Variants in KDM4C observed in about 807,000 individuals in gnomAD.
The protein encoded by KDM4C is lysine demethylase 4C.
In KDM4C, 81 loss-of-function variants were observed where a neutral mutation model predicts 129.3. The ratio of observed to expected loss-of-function variants is 0.63; its 90% CI spans 0.52 to 0.75. KDM4C has a LOEUF of 0.75. KDM4C is among the 30% of genes least tolerant of loss of function. KDM4C has a pLI of 0.00. For missense variants in KDM4C, 1,457 were observed against 1,304.0 expected, an observed-to-expected ratio of 1.12 and a Z score of -1.81; for synonymous variants, 573 against 456.1, an observed-to-expected ratio of 1.26 and a Z score of -3.26.
At chr9:6,807,984 G>A (rs1830415505) in intron 3 of KDM4C, among the ~76,000 whole-genome samples, 2 of 126,754 alleles carry the variant, frequency 1.6e-5, no homozygotes, top group African/African-American at 6.7e-5. Context: ...CGTCCGGGAG[G>A]GAGGTGGGGG....
intron 1 of KDM4C, among the ~76,000 whole-genome samples, chr9:6,779,582 A>C (rs976316671): frequency 6.6e-6 from 1 of 152,182 alleles, no homozygotes; most frequent in Admixed American, 6.6e-5. Flanking sequence ...TTGTAGTAGC[A>C]GTGGCAGTTC....
At chr9:6,738,223 T>C (rs1284195180) in intron 1 of KDM4C, among the ~76,000 whole-genome samples, 2 of 151,960 alleles carry the variant, frequency 1.3e-5, no homozygotes, top group Non-Finnish European at 2.9e-5. Flanking sequence ...ACACCTGTAA[T>C]CCCAGCACTT....
intron 17 of KDM4C, among the ~76,000 whole-genome samples, chr9:7,066,756 T>A (rs1832475839): frequency 6.6e-6 from 1 of 152,226 alleles, no homozygotes; most frequent in Admixed American, 6.5e-5. Context: ...GCAGGGATTA[T>A]ATTGTTGTTA....
At chr9:6,794,781 A>G (rs577668297) in intron 2 of KDM4C, among the ~76,000 whole-genome samples, 1 of 152,066 alleles carries the variant, frequency 6.6e-6, no homozygotes, top group Non-Finnish European at 1.5e-5. Context: ...TGTGGGTGTA[A>G]GTGACATGCC....
At chr9:6,906,855 C>G (rs1050891102) in intron 8 of KDM4C, among the ~76,000 whole-genome samples, 4 of 152,098 alleles carry the variant, frequency 2.6e-5, no homozygotes, top group African/African-American at 9.7e-5. Flanking sequence ...ATGAAATTGC[C>G]TTTAAATATT....
At chr9:6,965,007 T>G (rs1195661260) in intron 8 of KDM4C, among the ~76,000 whole-genome samples, 1 of 152,064 alleles carries the variant, frequency 6.6e-6, no homozygotes, top group Non-Finnish European at 1.5e-5. Context: ...TACATAACCT[T>G]TTTACACCCA....
intron 17 of KDM4C, among the ~76,000 whole-genome samples, chr9:7,062,400 A>G (rs1176709805): frequency 6.8e-6 from 1 of 147,510 alleles, no homozygotes; most frequent in Non-Finnish European, 1.5e-5. Context: ...TTACTTGTTT[A>G]TTTTTGAGAC....
chr9:7,083,899 T>C (rs950622974), intron 17 of KDM4C, among the ~76,000 whole-genome samples: 2 of 152,090 alleles, frequency 1.3e-5, no homozygotes, highest in Non-Finnish European at 2.9e-5. Context: ...GATTTTTCAT[T>C]TGGGCAAAGA....
At chr9:6,824,705 T>C (rs1833601155) in intron 4 of KDM4C, among the ~76,000 whole-genome samples, 1 of 151,214 alleles carries the variant, frequency 6.6e-6, no homozygotes, top group African/African-American at 2.4e-5. Context: ...CCATTATATA[T>C]CAACATACAT....
intron 19 of KDM4C, among the ~76,000 whole-genome samples, chr9:7,143,431 G>A (rs1885975): frequency 0.55 from 83,011 of 152,078 alleles, 23,169 homozygotes; most frequent in East Asian, 0.68. Context: ...TCTTACTTCA[G>A]AGGTTCATTA....
At chr9:6,784,450 G>T (rs566505931) in intron 1 of KDM4C, among the ~76,000 whole-genome samples, 1 of 152,080 alleles carries the variant, frequency 6.6e-6, no homozygotes, top group African/African-American at 2.4e-5. Flanking sequence ...CAGGCTCGTT[G>T]TGAACTCCTG....
rs774154037 is a variant in KDM4C, at chr9:6,980,930, T to C, written c.927T>C (p.Thr309=). Reference sequence around the variant, plus strand: ...CCAACCCGGTTGTGTTTCAGTGCACTTGCAGGAAAGACATGGTGAAGATTT... The same window carrying C: ...CCAACCCGGTTGTGTTTCAGTGCACCTGCAGGAAAGACATGGTGAAGATTT... ...IDYGKVAKLC[T]CRKDMVKISM... Residue 309 remains threonine, a synonymous_variant, in exon 9 of 22, where the codon ACT becomes ACC. Transcript: ENST00000381309. The C allele has an allele frequency of 8.1e-6, 13 of 1,613,592 alleles. No individual in the cohort carries two copies. The highest frequency in any genetic ancestry group is 1.1e-5 in the Non-Finnish European group (13 of 1,179,698).
chr9:7,139,531 TTAAG>T (rs746867364), intron 19 of KDM4C, among the ~76,000 whole-genome samples: 12 of 152,172 alleles, frequency 7.9e-5, no homozygotes, highest in Admixed American at 3.3e-4. Context: ...GCCATTGATA[TTAAG>T]TGAGACTCTA....
intron 1 of KDM4C, chr9:6,734,845 C>G: frequency 2.0e-6 from 1 of 509,410 alleles, no homozygotes. Flanking sequence ...ACTGAATGTT[C>G]TTACACAAAT....
chr9:7,148,791 A>G (rs1177297447), intron 19 of KDM4C, among the ~76,000 whole-genome samples: 2 of 152,224 alleles, frequency 1.3e-5, no homozygotes, highest in Non-Finnish European at 2.9e-5. Context: ...GGTAGTCCCA[A>G]GGAGTGTCTG....
chr9:6,824,255 T>C (rs910988065), intron 4 of KDM4C, among the ~76,000 whole-genome samples: 9 of 152,372 alleles, frequency 5.9e-5, no homozygotes, highest in South Asian at 2.1e-4. Context: ...AGTTCATTGG[T>C]GACAGGTGTC....
At chr9:7,053,408 A>G (rs1830475758) in intron 17 of KDM4C, among the ~76,000 whole-genome samples, 1 of 152,172 alleles carries the variant, frequency 6.6e-6, no homozygotes, top group African/African-American at 2.4e-5. Flanking sequence ...GCCAGTTTTT[A>G]AAAAATGACA....
intron 1 of KDM4C, among the ~76,000 whole-genome samples, chr9:6,776,192 C>G (rs1215621150): frequency 2.0e-5 from 3 of 152,194 alleles, no homozygotes; most frequent in African/African-American, 7.2e-5. Context: ...TCTGGGTATT[C>G]TCCTGCCTCA....
At chr9:6,808,596 C>A (rs371800060) in intron 3 of KDM4C, among the ~76,000 whole-genome samples, 1 of 147,574 alleles carries the variant, frequency 6.8e-6, no homozygotes, top group African/African-American at 2.5e-5. Context: ...AACCAGAGAC[C>A]TTTGTTCACT....
Sources: allele counts gnomAD v4.1 joint callset (sites outside exome capture counted in the v4.1 genomes callset), GRCh38; gene constraint gnomAD v4.1.1; transcripts MANE v1.5; gene names NCBI Gene and HGNC (gene_info 2026-07-23, HGNC 2026-07-21).